DCC: variants seen among roughly 807,000 people sequenced by gnomAD.
DCC encodes the protein netrin receptor DCC.
DCC carries 58 observed loss-of-function variants against 172.5 expected under a neutral mutation model. The ratio of observed to expected loss-of-function variants is 0.34; its 90% CI spans 0.27 to 0.42. The LOEUF (loss-of-function observed/expected upper bound fraction) is 0.42, where lower values mean the gene tolerates loss of function less well. DCC is among the 10% of genes least tolerant of loss of function. The pLI, the probability that DCC is intolerant of heterozygous loss-of-function variation, is 1.00. For missense variants in DCC, 1,740 were observed against 1,791.0 expected, an observed-to-expected ratio of 0.97 and a Z score of 0.51; for synonymous variants, 709 against 644.5, an observed-to-expected ratio of 1.10 and a Z score of -1.52.
intron 1 of DCC, among the ~76,000 whole-genome samples, chr18:52,383,184 G>A (rs1327619544): frequency 6.6e-6 from 1 of 151,978 alleles, no homozygotes; most frequent in African/African-American, 2.4e-5. Flanking sequence ...CGTACTAAAG[G>A]CTCAAGATAG....
At chr18:53,503,018 C>G (rs1195204149) in intron 27 of DCC, among the ~76,000 whole-genome samples, 2 of 152,054 alleles carry the variant, frequency 1.3e-5, no homozygotes, top group Non-Finnish European at 2.9e-5. Context: ...CTTCACCCTA[C>G]CCACCGACAG....
At chr18:53,194,528 G>A (rs1390351862) in intron 9 of DCC, among the ~76,000 whole-genome samples, 1 of 151,666 alleles carries the variant, frequency 6.6e-6, no homozygotes, top group Admixed American at 6.6e-5. Flanking sequence ...AGTGTGCAAT[G>A]GCACAATCTT....
intron 1 of DCC, among the ~76,000 whole-genome samples, chr18:52,505,166 T>A (rs970653153): frequency 6.6e-6 from 1 of 152,126 alleles, no homozygotes; most frequent in Non-Finnish European, 1.5e-5. Flanking sequence ...GTCGAAATTA[T>A]CAGCAAACAG....
At chr18:52,938,272 C>A (rs1280186438) in intron 5 of DCC, among the ~76,000 whole-genome samples, 2 of 152,020 alleles carry the variant, frequency 1.3e-5, no homozygotes, top group African/African-American at 4.8e-5. Flanking sequence ...GACATTAGAA[C>A]TTAATTAAGC....
chr18:52,456,621 G>T (rs1288263077), intron 1 of DCC, among the ~76,000 whole-genome samples: 5 of 152,146 alleles, frequency 3.3e-5, no homozygotes, highest in African/African-American at 7.2e-5. Flanking sequence ...TGTATGACAT[G>T]ATTTTAAACT....
At chr18:52,552,129 A>G (rs1025498833) in intron 1 of DCC, among the ~76,000 whole-genome samples, 48 of 152,090 alleles carry the variant, frequency 3.2e-4, no homozygotes, top group South Asian at 8.3e-4. Context: ...TACAGAGCTT[A>G]CAAAAAGTGG....
At chr18:52,822,360 A>G (rs550193634) in intron 2 of DCC, among the ~76,000 whole-genome samples, 2 of 152,286 alleles carry the variant, frequency 1.3e-5, no homozygotes, top group African/African-American at 4.8e-5. Flanking sequence ...GCTCATTCCA[A>G]AGGTCTCCAA....
chr18:53,007,509 G>C (rs764624922), intron 5 of DCC, among the ~76,000 whole-genome samples: 1 of 151,992 alleles, frequency 6.6e-6, no homozygotes, highest in Non-Finnish European at 1.5e-5. Flanking sequence ...ACCTAATTTG[G>C]AATCACAGTG....
At chr18:52,615,085 C>T (rs1284420596) in intron 1 of DCC, among the ~76,000 whole-genome samples, 1 of 152,146 alleles carries the variant, frequency 6.6e-6, no homozygotes, top group Non-Finnish European at 1.5e-5. Flanking sequence ...TCGATAGCTG[C>T]AAATCATGGA....
intron 1 of DCC, among the ~76,000 whole-genome samples, chr18:52,484,768 A>C (rs2030128229): frequency 6.6e-6 from 1 of 151,880 alleles, no homozygotes; most frequent in Admixed American, 6.6e-5. Flanking sequence ...CCTGTGTATC[A>C]AACCTGCACA....
rs548256312 is a variant in DCC, at chr18:52,490,588, T to C, written c.91+149710T>C. On this transcript the variant is annotated intron_variant, in intron 1 of 28. Transcript: ENST00000442544. ...TTCCCCGTGAAGGGCGCTTTCTGTT[T>C]TGTTAGCTTTGTATGTCACCAAAGA... Among the ~76,000 whole-genome samples, 66 of 152,222 alleles carry C rather than the reference T, an allele frequency of 4.3e-4. No individual in the cohort carries two copies. The South Asian group carries it at 0.014, about 32-fold the overall frequency.
rs548927471 is a variant in DCC, at chr18:52,577,295, T to G, written c.92-174759T>G. Among the ~76,000 whole-genome samples, 8 of 152,380 alleles carry G rather than the reference T, an allele frequency of 5.3e-5. No homozygotes were observed. The East Asian group carries it at 1.5e-3, about 29-fold the overall frequency. On this transcript the variant is annotated intron_variant, in intron 1 of 28. Coordinates refer to ENST00000442544, the MANE Select transcript of DCC (RefSeq NM_005215.4). ...TGATATCTCTAGGTGACTTTTAATT[T>G]GCATTTACTAATCACTAATCAACTT... is the stretch of plus-strand genomic sequence containing the variant.
chr18:52,487,810 CAA>C (rs5824940), intron 1 of DCC, among the ~76,000 whole-genome samples: 266 of 74,382 alleles, frequency 3.6e-3, no homozygotes, highest in African/African-American at 0.014. Flanking sequence ...GACTCCACCT[CAA>C]AAAAAAAAAA....
At chr18:53,512,713 A>C (rs548156029) in intron 27 of DCC, among the ~76,000 whole-genome samples, 1 of 151,394 alleles carries the variant, frequency 6.6e-6, no homozygotes, top group Non-Finnish European at 1.5e-5. Flanking sequence ...GGGTATCAGC[A>C]ATGGAAGATG....
chr18:53,003,834 C>A (rs945945323), intron 5 of DCC, among the ~76,000 whole-genome samples: 21 of 152,196 alleles, frequency 1.4e-4, no homozygotes, highest in Admixed American at 8.5e-4. Flanking sequence ...CTAAGGCATG[C>A]ATGAGTGATT....
intron 1 of DCC, among the ~76,000 whole-genome samples, chr18:52,412,611 T>C (rs1279034315): frequency 6.6e-6 from 1 of 152,132 alleles, no homozygotes. Flanking sequence ...AAGTAAAAAA[T>C]TATTATTGTA....
At chr18:52,478,106 G>T (rs545121440) in intron 1 of DCC, among the ~76,000 whole-genome samples, 70 of 152,008 alleles carry the variant, frequency 4.6e-4, no homozygotes, top group Non-Finnish European at 8.1e-4. Flanking sequence ...CACCAGGTCC[G>T]GTCCCTGGTC....
intron 15 of DCC, among the ~76,000 whole-genome samples, chr18:53,351,418 C>CACTGTGTATATATATATAT (rs2057806231): frequency 2.1e-4 from 4 of 19,280 alleles, no homozygotes; most frequent in African/African-American, 9.9e-4. Context: ...TATATATATA[C>CACTGTGTATATATATATAT]ACACTGTGTA....
intron 1 of DCC, among the ~76,000 whole-genome samples, chr18:52,458,784 A>G (rs1296612000): frequency 6.6e-6 from 1 of 152,224 alleles, no homozygotes; most frequent in Non-Finnish European, 1.5e-5. Flanking sequence ...ACAGTTTTTA[A>G]AAATTCTCTT....
Sources: gnomAD v4.1 joint callset for allele counts (sites outside exome capture counted in the v4.1 genomes callset) on GRCh38, gnomAD v4.1.1 for gene constraint, MANE v1.5 for transcripts, NCBI Gene and HGNC (gene_info 2026-07-23, HGNC 2026-07-21) for gene names.